Variants in FAM178B observed in about 807,000 individuals in gnomAD.
FAM178B encodes the protein family with sequence similarity 178 member B, also known as protein FAM178B.
Under a neutral mutation model 91.7 loss-of-function variants are expected in FAM178B, and 82 were observed. That is an observed-to-expected ratio of 0.89 (90% confidence interval 0.75 to 1.07). FAM178B has a LOEUF of 1.07. Ranked by LOEUF, FAM178B falls within the 50% of genes least tolerant of loss-of-function variation. The pLI is 0.00. For synonymous variants in FAM178B, 368 were observed against 359.4 expected, an observed-to-expected ratio of 1.02 and a Z score of -0.27; for missense variants, 769 against 846.7, an observed-to-expected ratio of 0.91 and a Z score of 1.14.
intron 14 of FAM178B, among the ~76,000 whole-genome samples, chr2:96,887,221 C>A (rs963187163): frequency 1.3e-4 from 19 of 151,912 alleles, no homozygotes; most frequent in Admixed American, 6.6e-4. Context: ...TCTCAAACAA[C>A]AACAACAACA....
intron 6 of FAM178B, among the ~76,000 whole-genome samples, chr2:96,954,889 A>T (rs904387961): frequency 6.6e-6 from 1 of 152,192 alleles, no homozygotes; most frequent in Non-Finnish European, 1.5e-5. Context: ...GTCTCTAAAA[A>T]AAAATACAAA....
intron 8 of FAM178B, chr2:96,938,875 G>A (rs2081676563): frequency 6.6e-6 from 1 of 152,340 alleles, no homozygotes; most frequent in South Asian, 2.1e-4. Flanking sequence ...GGTGATGCCA[G>A]AGAAGTCCAT....
At position 96,972,570 on chromosome 2, in the gene FAM178B, T is replaced by C. The variant is rs535097868; in HGVS notation, c.110A>G (p.Gln37Arg). Residue 37 changes from glutamine (Q) to arginine (R), a missense_variant, in exon 2 of 17, where the codon CAG (glutamine) becomes CGG (arginine). By Grantham distance (43) the Gln-to-Arg change is conservative (BLOSUM62 1). Coordinates refer to ENST00000490605, the MANE Select transcript of FAM178B (RefSeq NM_001122646.3). Reference protein sequence around the residue: ...MSHGLQMAGPQETVLALPLRE... With the variant: ...MSHGLQMAGPRETVLALPLRE... ...CAGAGGAAGGGCTAGCACCGTCTCC[T>C]GGGGCCCAGCCATCTGCAAGCCGTG... 1 of 1,551,692 alleles carries C rather than the reference T, an allele frequency of 6.4e-7. No homozygotes were observed. The highest frequency in any genetic ancestry group is 1.2e-5 in the South Asian group (1 of 84,066).
chr2:96,969,760 C>T (rs561176827), intron 4 of FAM178B, among the ~76,000 whole-genome samples: 39 of 152,286 alleles, frequency 2.6e-4, no homozygotes, highest in East Asian at 1.2e-3. Context: ...GTTCCCGGGT[C>T]GGAGGAGCCC....
At chr2:96,908,213 C>A (rs10179546) in intron 12 of FAM178B, among the ~76,000 whole-genome samples, 15,669 of 152,172 alleles carry the variant, frequency 0.1, 910 homozygotes, top group African/African-American at 0.14. Context: ...AGAGTGTGGA[C>A]GGGAATAGAC....
intron 12 of FAM178B, among the ~76,000 whole-genome samples, chr2:96,912,816 A>G (rs2081181170): frequency 6.6e-6 from 1 of 152,066 alleles, no homozygotes; most frequent in Non-Finnish European, 1.5e-5. Flanking sequence ...TGAAATCTCC[A>G]GGTTGACTGG....
At chr2:96,906,906 C>T (rs1042246500) in intron 12 of FAM178B, among the ~76,000 whole-genome samples, 1 of 152,224 alleles carries the variant, frequency 6.6e-6, no homozygotes, top group Admixed American at 6.5e-5. Context: ...TAATCCAAAA[C>T]TTGAGGCCTG....
chr2:96,979,724 G>A (rs2153376380), intron 1 of FAM178B, among the ~76,000 whole-genome samples: 1 of 152,212 alleles, frequency 6.6e-6, no homozygotes, highest in African/African-American at 2.4e-5. Flanking sequence ...TCACATAAAG[G>A]TTTGACTAAT....
intron 9 of FAM178B, among the ~76,000 whole-genome samples, chr2:96,928,977 C>T (rs993196085): frequency 2.0e-5 from 3 of 151,896 alleles, no homozygotes; most frequent in Admixed American, 1.3e-4. Flanking sequence ...TAGGGAGACC[C>T]CCCCCCGCCA....
chr2:96,938,255 A>T (rs921877432), intron 8 of FAM178B, among the ~76,000 whole-genome samples: 6 of 152,152 alleles, frequency 3.9e-5, no homozygotes, highest in African/African-American at 1.2e-4. Context: ...GAGCTTTAAA[A>T]ATTCCTGATG....
intron 13 of FAM178B, among the ~76,000 whole-genome samples, chr2:96,899,834 C>A (rs187380886): frequency 6.7e-6 from 1 of 149,400 alleles, no homozygotes; most frequent in East Asian, 2.0e-4. Context: ...CTGCCTCCCG[C>A]GCCCCCATTC....
chr2:96,951,943 C>T (rs2081934362), intron 6 of FAM178B: 1 of 166,630 alleles, frequency 6.0e-6, no homozygotes, highest in Non-Finnish European at 1.3e-5. Flanking sequence ...ATTGCTTGAA[C>T]CCGGGAGGTG....
chr2:96,880,376 T>A (rs990065774), intron 14 of FAM178B, among the ~76,000 whole-genome samples: 1 of 150,266 alleles, frequency 6.7e-6, no homozygotes, highest in African/African-American at 2.5e-5. Flanking sequence ...GGGGACAACC[T>A]GGGGGGCAGA....
intron 13 of FAM178B, among the ~76,000 whole-genome samples, chr2:96,901,235 C>A (rs553676039): frequency 6.7e-6 from 1 of 149,602 alleles, no homozygotes; most frequent in South Asian, 2.1e-4. Context: ...TGCAGTGGCG[C>A]GATCTCGGCT....
intron 8 of FAM178B, among the ~76,000 whole-genome samples, chr2:96,935,330 T>C (rs1449231901): frequency 1.3e-5 from 2 of 152,212 alleles, no homozygotes; most frequent in East Asian, 3.9e-4. Context: ...TCAGCTCTGC[T>C]GTTCTTAGCA....
chr2:96,952,205 G>A (rs937255624), intron 6 of FAM178B, among the ~76,000 whole-genome samples: 6 of 152,190 alleles, frequency 3.9e-5, no homozygotes, highest in Non-Finnish European at 5.9e-5. Flanking sequence ...AGCGTCTCGC[G>A]ATCTGGTTAC....
rs191487939 is a variant in FAM178B at position 96,956,000 on chromosome 2, G to A, written c.887+4288C>T. ...GGAGGAACGGCCTGGCCCATGCATC[G>A]GGCTTGTGGAAAGCACGCTGGTCCT... On this transcript the variant is annotated intron_variant, in intron 6 of 16. Transcript: ENST00000490605. 6.6e-5 allele frequency among the ~76,000 whole-genome samples: 10 copies of A among 152,266 alleles called. No homozygotes were observed. In the East Asian group the frequency reaches 1.7e-3, roughly 26 times the overall value.
chr2:96,941,742 A>T (rs1574280670), intron 8 of FAM178B, among the ~76,000 whole-genome samples: 1 of 152,216 alleles, frequency 6.6e-6, no homozygotes, highest in East Asian at 1.9e-4. Context: ...GGGTAGGTAA[A>T]AATGGACAAT....
rs547697430 is a variant in FAM178B at position 96,904,660 on chromosome 2, T to C, written c.1563-1953A>G. Among the ~76,000 whole-genome samples the C allele has an allele frequency of 6.0e-5, 9 of 150,602 alleles. No homozygotes were observed. In the South Asian group the frequency reaches 1.9e-3, roughly 32 times the overall value. The stretch of plus-strand genomic sequence containing the variant: ...CCAACTGCCCTGGCCTCCCAAAGTG[T>C]TGGAATTACAGGCATGAGCCATTGT... On this transcript the variant is annotated intron_variant, in intron 12 of 16. Transcript: ENST00000490605.
Sources: gnomAD v4.1 joint callset for allele counts (sites outside exome capture counted in the v4.1 genomes callset) on GRCh38, gnomAD v4.1.1 for gene constraint, MANE v1.5 for transcripts, NCBI Gene and HGNC (gene_info 2026-07-23, HGNC 2026-07-21) for gene names.